TIA1: variants seen among roughly 807,000 people sequenced by gnomAD.
The protein encoded by TIA1 is TIA1 cytotoxic granule associated RNA binding protein.
Under a neutral mutation model 65.9 loss-of-function variants are expected in TIA1, and 23 were observed. The ratio of observed to expected loss-of-function variants is 0.35; its 90% confidence interval spans 0.25 to 0.49. TIA1 has a LOEUF of 0.49. Among genes scored for constraint, TIA1 ranks in the 20% least tolerant of loss-of-function variants. TIA1 has a pLI of 0.98. For missense variants in TIA1, 371 were observed against 477.9 expected (o/e 0.78, Z 2.09); for synonymous variants, 147 against 149.4 (o/e 0.98, Z 0.12).
At chr2:70,231,435 A>T (rs1326794670) in intron 2 of TIA1, among the ~76,000 whole-genome samples, 2 of 151,750 alleles carry the variant, frequency 1.3e-5, no homozygotes, top group African/African-American at 4.8e-5. Context: ...CTGTCTCTAA[A>T]ATAATTAAAA....
intron 7 of TIA1, among the ~76,000 whole-genome samples, chr2:70,221,031 G>A (rs1681066275): frequency 6.6e-6 from 1 of 151,894 alleles, no homozygotes; most frequent in Non-Finnish European, 1.5e-5. Flanking sequence ...TTTTGAGACG[G>A]AGTCTCACTC....
chr2:70,228,492 C>T, intron 5 of TIA1: 5 of 1,254,824 alleles, frequency 4.0e-6, no homozygotes, highest in Non-Finnish European at 5.1e-6. Flanking sequence ...AACAGTAATC[C>T]CTTCACTTTA....
At chr2:70,219,878 C>A (rs1401839571) in intron 7 of TIA1, among the ~76,000 whole-genome samples, 1 of 151,722 alleles carries the variant, frequency 6.6e-6, no homozygotes, top group African/African-American at 2.4e-5. Flanking sequence ...CTGTGCCTGG[C>A]AGGAAATGCA....
chr2:70,246,497 A>G (rs1406116217), intron 1 of TIA1, among the ~76,000 whole-genome samples: 1 of 152,192 alleles, frequency 6.6e-6, no homozygotes. Context: ...ACAAGAGAAG[A>G]CTTTTACAGT....
intron 1 of TIA1, among the ~76,000 whole-genome samples, chr2:70,247,035 C>T (rs1475553746): frequency 6.6e-6 from 1 of 152,134 alleles, no homozygotes; most frequent in Non-Finnish European, 1.5e-5. Flanking sequence ...GTGCCTTAAC[C>T]CAAAATGCTG....
At chr2:70,243,754 T>C (rs1473451478) in intron 1 of TIA1, among the ~76,000 whole-genome samples, 1 of 152,226 alleles carries the variant, frequency 6.6e-6, no homozygotes, top group Non-Finnish European at 1.5e-5. Context: ...CATTTATTGT[T>C]GACATCATTC....
At chr2:70,229,895 GC>G (rs1685386017) in intron 3 of TIA1, among the ~76,000 whole-genome samples, 1 of 151,292 alleles carries the variant, frequency 6.6e-6, no homozygotes, top group Admixed American at 6.6e-5. Flanking sequence ...CCAAGATGGT[GC>G]CACTGCACTC....
chr2:70,238,402 C>T (rs1690095630), intron 1 of TIA1, among the ~76,000 whole-genome samples: 1 of 149,772 alleles, frequency 6.7e-6, no homozygotes, highest in African/African-American at 2.4e-5. Flanking sequence ...ACCCACGTAG[C>T]TGGGGCTACA....
chr2:70,214,394 G>C lies in TIA1; in HGVS notation c.989C>G (p.Pro330Arg). The C allele has an allele frequency of 6.2e-7, 1 of 1,613,824 alleles. No individual in the cohort carries two copies. The highest frequency in any genetic ancestry group is 8.5e-7 in the Non-Finnish European group (1 of 1,179,896). The change falls in exon 12 of 13, where the codon CCT becomes CGT. Residue 330 changes from proline (P) to arginine (R), a missense_variant. Pro to Arg is a moderately radical substitution (Grantham distance 103). Transcript: ENST00000433529. ...GQYMPNGWQVPAYGMYGQAWN... is the reference protein window; with the variant it reads ...GQYMPNGWQVRAYGMYGQAWN... ...TGCCTGGCCATACATTCCATATGCAGGAACTTGCCAACCATTAGGCATATA... is the reference window on the plus strand; with the variant it reads ...TGCCTGGCCATACATTCCATATGCACGAACTTGCCAACCATTAGGCATATA...
intron 1 of TIA1, among the ~76,000 whole-genome samples, chr2:70,242,404 C>CGAGA (rs2104717293): frequency 7.3e-6 from 1 of 136,930 alleles, no homozygotes; most frequent in South Asian, 2.4e-4. Context: ...TGATGGTGGG[C>CGAGA]GAGAGAATCA....
chr2:70,211,269 T>C lies in TIA1; in HGVS notation c.*1450A>G, dbSNP rs1479117867. 6.6e-6 allele frequency: 1 copy of C among 152,142 alleles called. No individual in the cohort carries two copies. Among genetic ancestry groups the C allele is most frequent in the South Asian group, 2.1e-4 (1 of 4,830 alleles). 9.4% of individuals were successfully genotyped at this position (152,142 alleles called of 1,614,324 possible). A position where few individuals can be genotyped will look rare whatever the true frequency, so the allele number is the denominator to read the frequency against. ...ACTAGAAATTTCAAAACTAGAACAA[T>C]GCCATCAAAGATTAAACCTCTTAAT... On this transcript the variant is annotated 3_prime_UTR_variant, in exon 13 of 13. Transcript: ENST00000433529.
At chr2:70,225,183 A>C (rs986173733) in intron 6 of TIA1, 2 of 1,028,732 alleles carry the variant, frequency 1.9e-6, no homozygotes, top group African/African-American at 1.7e-5. Flanking sequence ...TCATTGAAGA[A>C]AAATACTAGA....
intron 6 of TIA1, chr2:70,224,878 A>T: frequency 8.2e-7 from 1 of 1,221,294 alleles, no homozygotes; most frequent in Non-Finnish European, 1.0e-6. Context: ...TCTTCAAAAA[A>T]CTTTTTAAAC....
chr2:70,235,284 G>C (rs887238983), intron 2 of TIA1, among the ~76,000 whole-genome samples: 1 of 151,892 alleles, frequency 6.6e-6, no homozygotes, highest in African/African-American at 2.4e-5. Context: ...GTGTAGTGGC[G>C]CATGCCTGTA....
chr2:70,247,964 GAAGA>G (rs1236749139), intron 1 of TIA1, among the ~76,000 whole-genome samples: 1 of 151,810 alleles, frequency 6.6e-6, no homozygotes, highest in African/African-American at 2.4e-5. Flanking sequence ...AAAATGAAAG[GAAGA>G]ATTTCAGTAG....
At chr2:70,226,441 A>T (rs1025981948) in intron 6 of TIA1, among the ~76,000 whole-genome samples, 1 of 152,166 alleles carries the variant, frequency 6.6e-6, no homozygotes. Context: ...TTTTCTTCTT[A>T]AAGTTTCAGA....
At chr2:70,212,898 TA>T in intron 12 of TIA1, 53 bp from the exon 13 acceptor site, 1 of 1,242,200 alleles carries the variant, frequency 8.1e-7, no homozygotes, top group African/African-American at 1.5e-5. Flanking sequence ...CTGATTAAAA[TA>T]AAGTATTGGC....
intron 1 of TIA1, among the ~76,000 whole-genome samples, chr2:70,246,321 C>G (rs2706769): frequency 0.55 from 83,379 of 152,108 alleles, 25,742 homozygotes; most frequent in African/African-American, 0.83. Context: ...GCTAAGAACT[C>G]TGCTAAGAAC....
chr2:70,221,068 A>G (rs1164323957), intron 7 of TIA1, among the ~76,000 whole-genome samples: 2 of 152,036 alleles, frequency 1.3e-5, no homozygotes, highest in African/African-American at 4.8e-5. Context: ...GTGCAGTGGC[A>G]TAATCTCAGC....
Sources: gnomAD v4.1 joint callset for allele counts (sites outside exome capture counted in the v4.1 genomes callset) on GRCh38, gnomAD v4.1.1 for gene constraint, MANE v1.5 for transcripts, NCBI Gene and HGNC (gene_info 2026-07-23, HGNC 2026-07-21) for gene names.